The following EPHB6 variants were observed in gnomAD, a reference collection of about 807,000 sequenced individuals.
The protein encoded by EPHB6 is ephrin type-B receptor 6.
Under a neutral mutation model 107.0 loss-of-function variants are expected in EPHB6, and 51 were observed. The ratio of observed to expected loss-of-function variants is 0.48; its 90% confidence interval spans 0.38 to 0.60. The LOEUF is 0.60. Among genes scored for constraint, EPHB6 ranks in the 20% least tolerant of loss-of-function variants. EPHB6 has a pLI of 0.00. For synonymous variants in EPHB6, 553 were observed against 549.0 expected, an observed-to-expected ratio of 1.01 and a Z score of -0.10; for missense variants, 1,141 against 1,355.5, an observed-to-expected ratio of 0.84 and a Z score of 2.48.
Position 142,862,853 on chromosome 7 carries a change from A to C in EPHB6, c.-102+20A>C, listed in dbSNP as rs985044369. 8.6e-6 allele frequency: 2 copies of C among 232,828 alleles called. No homozygotes were observed. Among genetic ancestry groups the C allele is most frequent in the Non-Finnish European group, 1.7e-5 (2 of 119,552 alleles). The allele number at this position is 232,828 out of a possible 1,614,324, so 14.4% of individuals were successfully genotyped here. On this transcript the variant is annotated intron_variant, in intron 4 of 19. Transcript: ENST00000652003. ...AAAAGGGTAAGATTGACCCAGAAAC[A>C]CCCTCTGCCCCACTTCTAGGAAGGA...
chr7:142,867,530 T>A lies in EPHB6; in HGVS notation c.1751-78T>A. The A allele has an allele frequency of 8.3e-7, 1 of 1,201,070 alleles. No individual in the cohort carries two copies. The highest frequency in any genetic ancestry group is 1.2e-6 in the Non-Finnish European group (1 of 828,312). 74.4% of individuals were successfully genotyped at this position (1,201,070 alleles called of 1,614,324 possible). A position where few individuals can be genotyped will look rare whatever the true frequency, so the allele number is the denominator to read the frequency against. On this transcript the variant is annotated intron_variant, in intron 11 of 19. Transcript: ENST00000652003. This position sits in a 1 kb window ranked among gnomAD's most constrained non-coding sequence, Gnocchi z 5.3. ...GTGCATGTTGTGTGTGCCTGTGGTG[T>A]GTGTGGGTGCCTGGGCACATGAACA...
intron 8 of EPHB6, 53 bp from the exon 9 acceptor site, chr7:142,865,907 C>A (rs1803134638): frequency 1.3e-6 from 2 of 1,570,702 alleles, no homozygotes; most frequent in East Asian, 2.2e-5. Flanking sequence ...TCCTCAATCA[C>A]CCCCACTGCT....
Position 142,867,899 on chromosome 7 carries a change from C to A in EPHB6, c.1866-98C>A. 2 of 1,529,044 alleles carry A rather than the reference C, an allele frequency of 1.3e-6. No individual in the cohort carries two copies. The highest frequency in any genetic ancestry group is 2.0e-5 in the Admixed American group (1 of 50,988). The allele number at this position is 1,529,044 out of a possible 1,614,324, so 94.7% of individuals were successfully genotyped here. A position where few individuals can be genotyped will look rare whatever the true frequency, so the allele number is the denominator to read the frequency against. ...CAGGAGGGCCAGGCTGTCGTCCCCC[C>A]TCCACAGACCGACTAAAGAGCAGTC... On this transcript the variant is annotated intron_variant, in intron 12 of 19. Coordinates refer to ENST00000652003, the MANE Select transcript of EPHB6 (RefSeq NM_004445.6). The surrounding 1 kb of genome is among the most constrained non-coding windows in gnomAD (Gnocchi z 5.3).
intron 5 of EPHB6, 103 bp downstream of exon 5, chr7:142,863,430 A>C: frequency 1.6e-6 from 2 of 1,271,478 alleles, no homozygotes; most frequent in South Asian, 2.4e-5. Context: ...TGAAGACATC[A>C]ATAAAGGGAA....
At position 142,866,933 on chromosome 7, in the gene EPHB6, C is replaced by T; in HGVS notation, c.1615C>T (p.Leu539=). 1 of 1,613,890 alleles carries T rather than the reference C, an allele frequency of 6.2e-7. No homozygotes were observed. ...AGAAGACGAATCCCACTCCTTCACC[C>T]TGACCAGCGAGACCAACACTGCCAC... ...QAEDESHSFT[L]TSETNTATVT... is the part of the protein sequence containing the mutation. Residue 539 remains leucine (L), a synonymous_variant, in exon 11 of 20, where the codon CTG becomes TTG. Coordinates refer to ENST00000652003, the MANE Select transcript of EPHB6 (RefSeq NM_004445.6). The surrounding 1 kb of genome is among the most constrained non-coding windows in gnomAD (Gnocchi z 5.2).
At position 142,868,518 on chromosome 7, in the gene EPHB6, C is replaced by T. The variant is rs375181054; in HGVS notation, c.2065C>T (p.Arg689Cys). 19 of 1,613,722 alleles carry T rather than the reference C, an allele frequency of 1.2e-5. No individual in the cohort carries two copies. Among genetic ancestry groups the T allele is most frequent in the Non-Finnish European group, 1.4e-5 (17 of 1,180,042 alleles). ...CTCTTTTGGAGAAGTGCGCCAGGGC[C>T]GCCTGCAGCCACGGGGACGGAGGGA... ...TGSFGEVRQG[R>C]LQPRGRREQT... The change falls in exon 15 of 20, where the codon CGC becomes TGC. Residue 689 changes from arginine to cysteine, a missense_variant. Coordinates refer to ENST00000652003, the MANE Select transcript of EPHB6 (RefSeq NM_004445.6). This position sits in a 1 kb window ranked among gnomAD's most constrained non-coding sequence, Gnocchi z 4.2.
rs181481592 is a variant in EPHB6, at chr7:142,856,141, C to T, written c.-432+756C>T. Among the ~76,000 whole-genome samples the T allele has an allele frequency of 2.6e-3, 400 of 152,314 alleles. 1 individual carries two copies. Among genetic ancestry groups the T allele is most frequent in the Non-Finnish European group, 3.3e-3 (226 of 68,026 alleles). ...TGGAGCGGAGCTGCTGGGTCTGTTCCCAGTTAACCCAGGCCCTCCGCCCGC... is the reference window on the plus strand; with the variant it reads ...TGGAGCGGAGCTGCTGGGTCTGTTCTCAGTTAACCCAGGCCCTCCGCCCGC... On this transcript the variant is annotated intron_variant, in intron 1 of 19. Coordinates refer to ENST00000652003, the MANE Select transcript of EPHB6 (RefSeq NM_004445.6).
At chr7:142,857,015 C>A (rs1215479253) in intron 1 of EPHB6, among the ~76,000 whole-genome samples, 1 of 152,248 alleles carries the variant, frequency 6.6e-6, no homozygotes, top group Non-Finnish European at 1.5e-5. Context: ...TTACTCATCT[C>A]TCAGGCACAT....
Position 142,866,839 on chromosome 7 carries a change from G to T in EPHB6, c.1588-67G>T. ...CCCTGTCAACCAGGGAGGGTGGCTG[G>T]GGGCCTTAGGGGCAGAAGCAGGGGC... On this transcript the variant is annotated intron_variant, in intron 10 of 19. Coordinates refer to ENST00000652003, the MANE Select transcript of EPHB6 (RefSeq NM_004445.6). This position sits in a 1 kb window ranked among gnomAD's most constrained non-coding sequence, Gnocchi z 5.2. The T allele has an allele frequency of 6.2e-7, 1 of 1,612,724 alleles. No homozygotes were observed. Among genetic ancestry groups the T allele is most frequent in the African/African-American group, 1.3e-5 (1 of 74,984 alleles).
chr7:142,861,313 G>A (rs1173985911), intron 2 of EPHB6, 127 bp downstream of exon 2: 1 of 151,010 alleles, frequency 6.6e-6, no homozygotes, highest in East Asian at 1.9e-4. Flanking sequence ...TATGAACACT[G>A]TTTTGATTAA....
At position 142,863,182 on chromosome 7, in the gene EPHB6, A is replaced by G; in HGVS notation, c.-46A>G. 1 of 1,544,652 alleles carries G rather than the reference A, an allele frequency of 6.5e-7. No individual in the cohort carries two copies. Among genetic ancestry groups the G allele is most frequent in the South Asian group, 1.1e-5 (1 of 89,348 alleles). On this transcript the variant is annotated 5_prime_UTR_variant, in exon 5 of 20. Transcript: ENST00000652003. ...TGCAAAAGCTGCAGCCCCACCCAGGAGCAGGGTGGTGGCTGGGGCGATGGT... is the reference window on the plus strand; with the variant it reads ...TGCAAAAGCTGCAGCCCCACCCAGGGGCAGGGTGGTGGCTGGGGCGATGGT...
Position 142,864,678 on chromosome 7 carries a change from G to T in EPHB6, c.878G>T (p.Trp293Leu). 6.2e-7 allele frequency: 1 copy of T among 1,612,968 alleles called. No homozygotes were observed. ...CTGCACTGCAACGGGGAGGGCAAGT[G>T]GATGGTAGCTGTCGGGGGCTGCCGC... ...PRLHCNGEGK[W>L]MVAVGGCRCQ... The change falls in exon 7 of 20, where the codon TGG becomes TTG. Residue 293 changes from tryptophan (W) to leucine (L), a missense_variant. Trp to Leu is a moderately conservative substitution (Grantham distance 61, BLOSUM62 -2). Transcript: ENST00000652003.
chr7:142,859,694 A>G (rs544924034), intron 1 of EPHB6, among the ~76,000 whole-genome samples: 78 of 152,358 alleles, frequency 5.1e-4, no homozygotes, highest in African/African-American at 1.8e-3. Flanking sequence ...AGAGGTCCTC[A>G]TCAAACATTA....
chr7:142,859,586 G>A (rs1802755846), intron 1 of EPHB6, among the ~76,000 whole-genome samples: 1 of 151,966 alleles, frequency 6.6e-6, no homozygotes, highest in South Asian at 2.1e-4. Context: ...TGTTTGATAA[G>A]TAAGAACTCA....
chr7:142,865,744 A>T, intron 8 of EPHB6, 114 bp downstream of exon 8: 5 of 1,460,914 alleles, frequency 3.4e-6, no homozygotes, highest in Non-Finnish European at 4.7e-6. Flanking sequence ...TTTTTCCCCT[A>T]TTTTCTTGGC....
At chr7:142,858,850 A>G (rs906146873) in intron 1 of EPHB6, among the ~76,000 whole-genome samples, 70 of 152,274 alleles carry the variant, frequency 4.6e-4, no homozygotes, top group African/African-American at 1.6e-3. Flanking sequence ...TTTGTAAACC[A>G]AAGAGATGTA....
intron 1 of EPHB6, among the ~76,000 whole-genome samples, chr7:142,857,345 T>C (rs1187030523): frequency 6.6e-6 from 1 of 152,228 alleles, no homozygotes; most frequent in African/African-American, 2.4e-5. Context: ...CCTCACTGTC[T>C]GTCCTGGATG....
In EPHB6 at chr7:142,855,560, C is replaced by A. The variant is rs1381258629; in HGVS notation, c.-432+175C>A. Among the ~76,000 whole-genome samples, 1 of 152,120 alleles carries A rather than the reference C, an allele frequency of 6.6e-6. No homozygotes were observed. Among genetic ancestry groups the A allele is most frequent in the African/African-American group, 2.4e-5 (1 of 41,424 alleles). On this transcript the variant is annotated intron_variant, in intron 1 of 19. Transcript: ENST00000652003. The surrounding 1 kb of genome is among the most constrained non-coding windows in gnomAD (Gnocchi z 4.2). Reference sequence around the variant, plus strand: ...GTGGGGTTCATGAAGGGTGAGGAAACGGTCAACCTGGCTACTCCCCTCTCA... The same window carrying A: ...GTGGGGTTCATGAAGGGTGAGGAAAAGGTCAACCTGGCTACTCCCCTCTCA...
At position 142,863,240 on chromosome 7, in the gene EPHB6, G is replaced by T. The variant is rs2116407247; in HGVS notation, c.13G>T (p.Gly5Trp). The T allele has an allele frequency of 6.2e-7, 1 of 1,614,134 alleles. No individual in the cohort carries two copies. Among genetic ancestry groups the T allele is most frequent in the South Asian group, 1.1e-5 (1 of 91,074 alleles). MATE[G>W]AAQLGNRVAG... ...CTGAAGATGTCCCATGGCTACTGAA[G>T]GGGCTGCCCAGTTAGGGAACAGAGT... is the stretch of plus-strand genomic sequence containing the variant. The change falls in exon 5 of 20, where the codon GGG becomes TGG. Residue 5 changes from glycine (G) to tryptophan (W), a missense_variant. Around this residue, in one of 3 missense-constraint regions of EPHB6, gnomAD observed 221 missense variants for 300.5 expected, o/e 0.74. Coordinates refer to ENST00000652003, the MANE Select transcript of EPHB6 (RefSeq NM_004445.6).
Sources: allele counts gnomAD v4.1 joint callset (sites outside exome capture counted in the v4.1 genomes callset), GRCh38; gene constraint gnomAD v4.1.1; regional missense constraint gnomAD v4.1.1; non-coding constraint Gnocchi (gnomAD v3.1); transcripts MANE v1.5; gene names NCBI Gene and HGNC (gene_info 2026-07-23, HGNC 2026-07-21).